CHRNA4: variants seen among roughly 807,000 people sequenced by gnomAD.
CHRNA4 encodes cholinergic receptor nicotinic alpha 4 subunit.
Under a neutral mutation model 48.9 loss-of-function variants are expected in CHRNA4, and 28 were observed. The observed-to-expected ratio is 0.57, with a 90% CI of 0.42 to 0.79. The LOEUF (loss-of-function observed/expected upper bound fraction) is 0.79. Among genes scored for constraint, CHRNA4 ranks in the 30% least tolerant of loss-of-function variants. The pLI, the probability that CHRNA4 is intolerant of heterozygous loss-of-function variation, is 0.00. For missense variants in CHRNA4, 859 were observed against 898.4 expected (o/e 0.96, Z 0.56); for synonymous variants, 425 against 402.3 (o/e 1.06, Z -0.68).
rs528842597 is a variant in CHRNA4, at chr20:63,344,314, G to A, written c.*2424C>T. On this transcript the variant is annotated 3_prime_UTR_variant, in exon 6 of 6. Transcript: ENST00000370263. The surrounding 1 kb of genome is among the most constrained non-coding windows in gnomAD (Gnocchi z 4.5). ...CACAGATGGGGAGGGACGCCGACAGGAAGGGCTGGAGGGACCTTCTAGGGG... is the reference window on the plus strand; with the variant it reads ...CACAGATGGGGAGGGACGCCGACAGAAAGGGCTGGAGGGACCTTCTAGGGG... 7 of 453,958 alleles carry A rather than the reference G, an allele frequency of 1.5e-5. No homozygotes were observed. The highest frequency in any genetic ancestry group is 6.8e-4 in the Middle Eastern group (1 of 1,466). 28.1% of individuals were successfully genotyped at this position (453,958 alleles called of 1,614,324 possible). A position where few individuals can be genotyped will look rare whatever the true frequency, so the allele number is the denominator to read the frequency against.
Position 63,361,179 on chromosome 20 carries a change from C to T in CHRNA4, c.-14G>A. ...CCCTAGCTCCATGGCGCACGCACCT[C>T]GCGGGCTCTAGATGCGGGCGGCTCC... is the stretch of plus-strand genomic sequence containing the variant. On this transcript the variant is annotated 5_prime_UTR_variant, in exon 1 of 6. Coordinates refer to ENST00000370263, the MANE Select transcript of CHRNA4 (RefSeq NM_000744.7). The T allele has an allele frequency of 2.7e-6, 4 of 1,463,708 alleles. No individual in the cohort carries two copies. Among genetic ancestry groups the T allele is most frequent in the Non-Finnish European group, 3.6e-6 (4 of 1,110,948 alleles). The allele number at this position is 1,463,708 out of a possible 1,614,324, so 90.7% of individuals were successfully genotyped here.
chr20:63,355,764 T>TG, intron 4 of CHRNA4: 3 of 818,900 alleles, frequency 3.7e-6, no homozygotes, highest in Non-Finnish European at 5.7e-6. Flanking sequence ...TTTGCTGGCC[T>TG]GGGGGGACCC....
rs766058000 is a variant in CHRNA4 at position 63,350,274 on chromosome 20, G to A, written c.1137C>T (p.Ala379=). 1.9e-6 allele frequency: 3 copies of A among 1,612,168 alleles called. No homozygotes were observed. The highest frequency in any genetic ancestry group is 1.7e-5 in the Admixed American group (1 of 59,942). The change falls in exon 5 of 6, where the codon GCC becomes GCT. Residue 379 remains alanine (A), a synonymous_variant. Transcript: ENST00000370263. ...GCTCGGGCCAGAAGCGCGGGGCACTGGCCATCTTATGCATGGACTCGATGA... is the reference window on the plus strand; with the variant it reads ...GCTCGGGCCAGAAGCGCGGGGCACTAGCCATCTTATGCATGGACTCGATGA... ...RRLIESMHKM[A]SAPRFWPEPE...
At chr20:63,358,573 G>A (rs1266710359) in intron 2 of CHRNA4, among the ~76,000 whole-genome samples, 1 of 152,214 alleles carries the variant, frequency 6.6e-6, no homozygotes, top group East Asian at 1.9e-4. Context: ...CAGCAGGGCT[G>A]GAGCTGGCGG....
At chr20:63,354,004 G>T (rs1378913513) in intron 4 of CHRNA4, among the ~76,000 whole-genome samples, 3 of 80,060 alleles carry the variant, frequency 3.7e-5, no homozygotes, top group African/African-American at 1.0e-4. Context: ...TGGTCCTGGC[G>T]GGGGGGCTGC....
intron 5 of CHRNA4, 163 bp from the exon 6 acceptor site, chr20:63,347,026 G>C: frequency 2.0e-6 from 2 of 1,006,478 alleles, no homozygotes; most frequent in Non-Finnish European, 3.0e-6. Context: ...CCGAGGGGAG[G>C]AATTGGGGTG....
intron 5 of CHRNA4, among the ~76,000 whole-genome samples, chr20:63,347,808 G>A (rs530675306): frequency 6.0e-4 from 91 of 152,346 alleles, no homozygotes; most frequent in Non-Finnish European, 8.7e-4. Flanking sequence ...GGGATGTGCC[G>A]CGGGGGCCTG....
Position 63,350,627 on chromosome 20 carries a change from C to T in CHRNA4, c.784G>A (p.Val262Met), listed in dbSNP as rs150082508. 9 of 1,613,676 alleles carry T rather than the reference C, an allele frequency of 5.6e-6. No individual in the cohort carries two copies. The highest frequency in any genetic ancestry group is 1.1e-5 in the South Asian group (1 of 91,044). ...TCGGAGGGCAGGTAGAAGACCAGCACGGTGAGGCAGGAGATGAGCAGGCAG... is the reference window on the plus strand; with the variant it reads ...TCGGAGGGCAGGTAGAAGACCAGCATGGTGAGGCAGGAGATGAGCAGGCAG... The part of the protein sequence containing the change: ...IPCLLISCLT[V>M]LVFYLPSECG... Residue 262 changes from valine (V) to methionine (M), a missense_variant, in exon 5 of 6, where the codon GTG becomes ATG. Physicochemically the swap from Val to Met is conservative, Grantham distance 21 (BLOSUM62 1). Transcript: ENST00000370263.
rs121912257 is a variant in CHRNA4, at chr20:63,350,553, G to A, written c.858C>T (p.Thr286=). 90 of 1,613,770 alleles carry A rather than the reference G, an allele frequency of 5.6e-5. No homozygotes were observed. The highest frequency in any genetic ancestry group is 6.7e-5 in the Admixed American group (4 of 59,988). ...TLCISVLLSL[T]VFLLLITEII... is the part of the protein sequence containing the mutation. ...TCTCGGTGATGAGCAGCAGGAAGACGGTGAGCGACAGCAGCACGGAGATGC... is the reference window on the plus strand; with the variant it reads ...TCTCGGTGATGAGCAGCAGGAAGACAGTGAGCGACAGCAGCACGGAGATGC... The change falls in exon 5 of 6, where the codon ACC becomes ACT. Residue 286 remains threonine (T), a synonymous_variant. Coordinates refer to ENST00000370263, the MANE Select transcript of CHRNA4 (RefSeq NM_000744.7).
At chr20:63,358,548 C>A (rs948287551) in intron 2 of CHRNA4, among the ~76,000 whole-genome samples, 2 of 152,210 alleles carry the variant, frequency 1.3e-5, no homozygotes, top group Non-Finnish European at 2.9e-5. Flanking sequence ...CCTGGACCAG[C>A]GAGCTGGGAT....
chr20:63,356,480 C>T (rs2068720987), intron 2 of CHRNA4, 65 bp from the exon 3 acceptor site: 1 of 1,489,682 alleles, frequency 6.7e-7, no homozygotes, highest in Admixed American at 1.9e-5. Flanking sequence ...CCTAGGTTTC[C>T]TCATCTACAG....
intron 5 of CHRNA4, among the ~76,000 whole-genome samples, chr20:63,347,420 G>A (rs1429343786): frequency 1.3e-5 from 2 of 152,238 alleles, no homozygotes; most frequent in African/African-American, 4.8e-5. Flanking sequence ...TTTTCACACT[G>A]AGGCCTTCAG....
chr20:63,351,549 C>CG (rs1601480338), intron 4 of CHRNA4, among the ~76,000 whole-genome samples: 1 of 152,212 alleles, frequency 6.6e-6, no homozygotes. Flanking sequence ...AGCAGCACCC[C>CG]GGGCCACCAT....
chr20:63,350,535 G>A lies in CHRNA4; in HGVS notation c.876C>T (p.Ile292=), dbSNP rs139694653. The A allele has an allele frequency of 9.6e-5, 155 of 1,614,024 alleles. 1 individual carries two copies. In the African/African-American group the frequency reaches 1.5e-3, roughly 15 times the overall value. The stretch of plus-strand genomic sequence containing the variant: ...GTGAGGTGGACGGGATGATCTCGGT[G>A]ATGAGCAGCAGGAAGACGGTGAGCG... The part of the protein sequence containing the change: ...LLSLTVFLLL[I]TEIIPSTSLV... Residue 292 remains isoleucine (I), a synonymous_variant, in exon 5 of 6, where the codon ATC becomes ATT. Transcript: ENST00000370263.
rs2068476174 is a variant in CHRNA4 at position 63,345,453 on chromosome 20, A to G, written c.*1285T>C. ...CAAGGGGAAGTGTGCCCCTGGGGAC[A>G]CTGGGGGGCTGCCGGGTGCGCCATC... On this transcript the variant is annotated 3_prime_UTR_variant, in exon 6 of 6. Coordinates refer to ENST00000370263, the MANE Select transcript of CHRNA4 (RefSeq NM_000744.7). This position sits in a 1 kb window ranked among gnomAD's most constrained non-coding sequence, Gnocchi z 5.4. 1 of 384,522 alleles carries G rather than the reference A, an allele frequency of 2.6e-6. No individual in the cohort carries two copies. The highest frequency in any genetic ancestry group is 5.3e-6 in the Non-Finnish European group (1 of 188,018). The allele number at this position is 384,522 out of a possible 1,614,324, so 23.8% of individuals were successfully genotyped here.
rs1250624847 is a variant in CHRNA4 at position 63,354,566 on chromosome 20, T to C, written c.383+1409A>G. ...GGCTGCAGTCTTTGGAGGGCCGTGGTCCTGGTGAGGCTGTGGAAGTGGGGG... is the reference window on the plus strand; with the variant it reads ...GGCTGCAGTCTTTGGAGGGCCGTGGCCCTGGTGAGGCTGTGGAAGTGGGGG... On this transcript the variant is annotated intron_variant, in intron 4 of 5. Coordinates refer to ENST00000370263, the MANE Select transcript of CHRNA4 (RefSeq NM_000744.7). 12 of 783,130 alleles carry C rather than the reference T, an allele frequency of 1.5e-5. No individual in the cohort carries two copies. In the African/African-American group the frequency reaches 3.1e-4, roughly 20 times the overall value. 48.5% of individuals were successfully genotyped at this position (783,130 alleles called of 1,614,324 possible).
chr20:63,349,289 G>A (rs747876531), intron 5 of CHRNA4, among the ~76,000 whole-genome samples: 17 of 152,364 alleles, frequency 1.1e-4, no homozygotes, highest in African/African-American at 2.6e-4. Context: ...GCCTCGTTGC[G>A]TTCTGGGGAC....
intron 4 of CHRNA4, among the ~76,000 whole-genome samples, chr20:63,355,034 T>C (rs925129818): frequency 6.6e-6 from 1 of 152,044 alleles, no homozygotes; most frequent in Non-Finnish European, 1.5e-5. Flanking sequence ...GTCAGGCGGG[T>C]GCCCTGGGGC....
At chr20:63,355,086 G>A (rs1352593039) in intron 4 of CHRNA4, among the ~76,000 whole-genome samples, 1 of 152,184 alleles carries the variant, frequency 6.6e-6, no homozygotes, top group Non-Finnish European at 1.5e-5. Context: ...GGGAGAGGAG[G>A]AAGAGCTTCC....
Sources: allele counts gnomAD v4.1 joint callset (sites outside exome capture counted in the v4.1 genomes callset), GRCh38; gene constraint gnomAD v4.1.1; non-coding constraint Gnocchi (gnomAD v3.1); transcripts MANE v1.5; gene names NCBI Gene and HGNC (gene_info 2026-07-23, HGNC 2026-07-21).